The following IL4R variants were observed in gnomAD, a reference collection of about 807,000 sequenced individuals.
IL4R encodes the protein interleukin-4 receptor subunit alpha.
Under a neutral mutation model 41.5 loss-of-function variants are expected in IL4R, and 17 were observed. That is an observed-to-expected ratio of 0.41 (90% confidence interval 0.28 to 0.61). IL4R has a LOEUF of 0.61. Ranked by LOEUF, IL4R falls within the 20% of genes least tolerant of loss-of-function variation. The pLI is 0.31. For synonymous variants in IL4R, 402 were observed against 422.9 expected (o/e 0.95, Z 0.61); for missense variants, 974 against 1,043.1 (o/e 0.93, Z 0.91).
At chr16:27,354,878 A>G in intron 7 of IL4R, 1 of 372,238 alleles carries the variant, frequency 2.7e-6, no homozygotes, top group Non-Finnish European at 5.9e-6. Context: ...CAGGGTCTCC[A>G]TGGCTGTATC....
chr16:27,351,766 C>T (rs1472859200), intron 6 of IL4R, among the ~76,000 whole-genome samples: 10 of 152,156 alleles, frequency 6.6e-5, no homozygotes, highest in Non-Finnish European at 1.0e-4. Flanking sequence ...CCACCCACTT[C>T]GGCCTCCCAA....
chr16:27,327,094 C>T (rs1295142971), intron 1 of IL4R, among the ~76,000 whole-genome samples: 1 of 152,146 alleles, frequency 6.6e-6, no homozygotes, highest in African/African-American at 2.4e-5. Flanking sequence ...AGGTTTCAGG[C>T]CAGTTTCTGT....
rs1416765977 is a variant in IL4R, at chr16:27,352,572, C to T, written c.546C>T (p.Pro182=). 55 of 1,614,222 alleles carry T rather than the reference C, an allele frequency of 3.4e-5. No individual in the cohort carries two copies. Among genetic ancestry groups the T allele is most frequent in the Non-Finnish European group, 4.7e-5 (55 of 1,180,024 alleles). Residue 182 remains proline, a synonymous_variant, in exon 7 of 11, where the codon CCC becomes CCT. Transcript: ENST00000395762. ...FRIYNVTYLE[P]SLRIAASTLK... is the part of the protein sequence containing the mutation. ...TCTATAACGTGACCTACCTAGAACC[C>T]TCCCTCCGCATCGCAGCCAGCACCC...
At chr16:27,314,222 G>C (rs1291819618) in intron 1 of IL4R, 5 of 609,202 alleles carry the variant, frequency 8.2e-6, no homozygotes, top group Non-Finnish European at 1.0e-5. Flanking sequence ...GCGGAGGCGC[G>C]AGGCCCGGGG....
intron 9 of IL4R, among the ~76,000 whole-genome samples, chr16:27,359,308 G>A (rs1009605228): frequency 2.0e-5 from 3 of 152,232 alleles, no homozygotes; most frequent in Non-Finnish European, 4.4e-5. Flanking sequence ...CCAGTACCAG[G>A]GCTAGAGGCC....
Position 27,326,614 on chromosome 16 carries a change from C to T in IL4R, c.-151-3452C>T, listed in dbSNP as rs937630675. 4.6e-5 allele frequency among the ~76,000 whole-genome samples: 7 copies of T among 152,108 alleles called. 1 individual carries two copies. Among genetic ancestry groups the T allele is most frequent in the Non-Finnish European group, 8.8e-5 (6 of 68,016 alleles). On this transcript the variant is annotated intron_variant, in intron 1 of 10. Transcript: ENST00000395762. ...CCAGGAGTTCAAGGCTGCACTGAGC[C>T]GTGACGGTGCGACTGCATTCTAGCC...
Position 27,363,404 on chromosome 16 carries a change from A to G in IL4R, c.2052A>G (p.Glu684=), listed in dbSNP as rs772382829. ...AGCACCTGGGTCTGGAGCCGGGGGA[A>G]AAGGTAGAGGACATGCCAAAGCCCC... The part of the protein sequence containing the change: ...SPEHLGLEPG[E]KVEDMPKPPL... The change falls in exon 11 of 11, where the codon GAA becomes GAG. Residue 684 remains glutamate, a synonymous_variant. Coordinates refer to ENST00000395762, the MANE Select transcript of IL4R (RefSeq NM_000418.4). 4 of 1,614,034 alleles carry G rather than the reference A, an allele frequency of 2.5e-6. No individual in the cohort carries two copies. The highest frequency in any genetic ancestry group is 1.7e-5 in the Admixed American group (1 of 60,006).
At chr16:27,317,710 C>T (rs561093343) in intron 1 of IL4R, among the ~76,000 whole-genome samples, 10 of 152,264 alleles carry the variant, frequency 6.6e-5, no homozygotes, top group African/African-American at 2.4e-4. Context: ...AGGTTTAAAT[C>T]GGAGCTGGCT....
At position 27,355,833 on chromosome 16, in the gene IL4R, C is replaced by A. The variant is rs769171842; in HGVS notation, c.696C>A (p.His232Gln). The A allele has an allele frequency of 6.2e-7, 1 of 1,613,588 alleles. No individual in the cohort carries two copies. The highest frequency in any genetic ancestry group is 1.7e-5 in the Admixed American group (1 of 60,014). ...CCTACAGGGAGCCCTTCGAGCAGCACCTCCTGCTGGGCGTCAGCGTTTCCT... is the reference window on the plus strand; with the variant it reads ...CCTACAGGGAGCCCTTCGAGCAGCAACTCCTGCTGGGCGTCAGCGTTTCCT... ...HNSYREPFEQ[H>Q]LLLGVSVSCI... The change falls in exon 8 of 11, where the codon CAC becomes CAA. Residue 232 changes from histidine to glutamine, a missense_variant. Physicochemically the swap from His to Gln is conservative, Grantham distance 24. Around this residue, in one of 3 missense-constraint regions of IL4R, gnomAD observed 284 missense variants for 313.4 expected, o/e 0.91. Transcript: ENST00000395762.
intron 1 of IL4R, among the ~76,000 whole-genome samples, chr16:27,319,710 G>A (rs2084755397): frequency 6.6e-6 from 1 of 152,106 alleles, no homozygotes; most frequent in South Asian, 2.1e-4. Context: ...GTGAGTGGCG[G>A]GTGAGTGAGC....
intron 2 of IL4R, among the ~76,000 whole-genome samples, chr16:27,339,002 C>G (rs2141121824): frequency 6.6e-6 from 1 of 151,914 alleles, no homozygotes; most frequent in East Asian, 1.9e-4. Context: ...TTACAGGTGC[C>G]CGCCACCACA....
rs974359217 is a variant in IL4R, at chr16:27,354,378, A to T, written c.671-1430A>T. On this transcript the variant is annotated intron_variant, in intron 7 of 10. Transcript: ENST00000395762. The stretch of plus-strand genomic sequence containing the variant: ...TGCACACTGTCTTACATAAAGCAGG[A>T]AGGAAAGGAAAGGCTGCTACGAGAG... Among the ~76,000 whole-genome samples the T allele has an allele frequency of 2.6e-5, 4 of 152,312 alleles. No homozygotes were observed. In the East Asian group the frequency reaches 7.7e-4, roughly 29 times the overall value.
Position 27,363,236 on chromosome 16 carries a change from A to T in IL4R, c.1884A>T (p.Glu628Asp). ...GTGGGTTTGGGGCTAGCAGTGGGGAAGAGGGGTATAAGCCTTTCCAAGACC... is the reference window on the plus strand; with the variant it reads ...GTGGGTTTGGGGCTAGCAGTGGGGATGAGGGGTATAAGCCTTTCCAAGACC... Reference protein sequence around the residue: ...EKCGFGASSGEEGYKPFQDLI... With the variant: ...EKCGFGASSGDEGYKPFQDLI... Residue 628 changes from glutamate (E) to aspartate (D), a missense_variant, in exon 11 of 11, where the codon GAA becomes GAT. Transcript: ENST00000395762. The T allele has an allele frequency of 6.2e-7, 1 of 1,606,454 alleles. No individual in the cohort carries two copies. Among genetic ancestry groups the T allele is most frequent in the Non-Finnish European group, 8.5e-7 (1 of 1,175,882 alleles).
At chr16:27,329,487 C>T (rs551408879) in intron 1 of IL4R, among the ~76,000 whole-genome samples, 6 of 151,822 alleles carry the variant, frequency 4.0e-5, no homozygotes, top group Admixed American at 2.0e-4. Flanking sequence ...ACCAGCCTGG[C>T]CAACATGGGG....
At chr16:27,325,962 A>G (rs936048718) in intron 1 of IL4R, among the ~76,000 whole-genome samples, 3 of 152,156 alleles carry the variant, frequency 2.0e-5, no homozygotes, top group African/African-American at 4.8e-5. Flanking sequence ...CTTGACTCCT[A>G]TTAGCCTTCC....
intron 8 of IL4R, among the ~76,000 whole-genome samples, chr16:27,356,863 A>T (rs2086098336): frequency 1.3e-5 from 2 of 152,248 alleles, no homozygotes; most frequent in South Asian, 4.1e-4. Flanking sequence ...CATCAGCCAG[A>T]AGAGGCCAAA....
chr16:27,346,005 T>C (rs1416545104), intron 5 of IL4R, among the ~76,000 whole-genome samples: 1 of 150,634 alleles, frequency 6.6e-6, no homozygotes, highest in Non-Finnish European at 1.5e-5. Context: ...TAAAAAGATT[T>C]TTTAAAAGGC....
chr16:27,341,086 G>C, intron 3 of IL4R: 1 of 681,638 alleles, frequency 1.5e-6, no homozygotes, highest in Non-Finnish European at 2.7e-6. Flanking sequence ...TCAGGATGCC[G>C]TGTGGAGAAA....
At chr16:27,314,610 C>G (rs184661092) in intron 1 of IL4R, among the ~76,000 whole-genome samples, 15 of 152,292 alleles carry the variant, frequency 9.8e-5, no homozygotes, top group Admixed American at 7.8e-4. Flanking sequence ...GATGAGGTCA[C>G]CAAGACCCCA....
Sources: allele counts gnomAD v4.1 joint callset (sites outside exome capture counted in the v4.1 genomes callset), GRCh38; gene constraint gnomAD v4.1.1; regional missense constraint gnomAD v4.1.1; transcripts MANE v1.5; gene names NCBI Gene and HGNC (gene_info 2026-07-23, HGNC 2026-07-21).